SORCS2: variants seen among roughly 807,000 people sequenced by gnomAD.
SORCS2 encodes sortilin related VPS10 domain containing receptor 2, also known as VPS10 domain-containing receptor SorCS2.
In SORCS2, 100 loss-of-function variants were observed where a neutral mutation model predicts 141.6. The ratio of observed to expected loss-of-function variants is 0.71; its 90% CI spans 0.60 to 0.83. The LOEUF is 0.83. SORCS2 is among the 40% of genes least tolerant of loss of function. SORCS2 has a pLI of 0.00. For missense variants in SORCS2, 1,646 were observed against 1,560.2 expected (o/e 1.05, Z -0.93); for synonymous variants, 789 against 676.9 (o/e 1.17, Z -2.57).
Position 7,561,416 on chromosome 4 carries a change from G to GTATCCATTCATCCATC in SORCS2, c.648+29790_648+29805dup, listed in dbSNP as rs1490517503. On this transcript the variant is annotated intron_variant, in intron 3 of 26. Transcript: ENST00000507866. ...TACATCCATCTACCCATCCATCCAT[G>GTATCCATTCATCCATC]TATCCATTCATCCATCTACCTATTC... Among the ~76,000 whole-genome samples the GTATCCATTCATCCATC allele has an allele frequency of 5.7e-3, 863 of 150,762 alleles. 8 individuals are homozygous for GTATCCATTCATCCATC. The highest frequency in any genetic ancestry group is 0.02 in the African/African-American group (799 of 40,966).
intron 3 of SORCS2, among the ~76,000 whole-genome samples, chr4:7,578,784 C>T (rs765388532): frequency 3.3e-5 from 5 of 152,132 alleles, no homozygotes; most frequent in Admixed American, 6.5e-5. Flanking sequence ...ATAAAACACA[C>T]GGAGGATTTG....
At chr4:7,217,387 A>G (rs1020132837) in intron 1 of SORCS2, among the ~76,000 whole-genome samples, 1 of 152,176 alleles carries the variant, frequency 6.6e-6, no homozygotes, top group Admixed American at 6.5e-5. Context: ...ACAAAGGAAC[A>G]TTATTTTTAA....
chr4:7,612,628 G>A (rs540882796), intron 3 of SORCS2, among the ~76,000 whole-genome samples: 9 of 152,256 alleles, frequency 5.9e-5, no homozygotes, highest in South Asian at 4.1e-4. Flanking sequence ...GGGTGTGCTC[G>A]GCTCCTGCAG....
intron 1 of SORCS2, among the ~76,000 whole-genome samples, chr4:7,243,647 C>A (rs944544188): frequency 6.6e-6 from 1 of 152,248 alleles, no homozygotes; most frequent in Non-Finnish European, 1.5e-5. Flanking sequence ...CACACCAAAA[C>A]TCCAGACTCT....
chr4:7,300,092 G>C (rs1717337209), intron 1 of SORCS2, among the ~76,000 whole-genome samples: 1 of 152,204 alleles, frequency 6.6e-6, no homozygotes, highest in South Asian at 2.1e-4. Flanking sequence ...CGCCTGCTGA[G>C]GACCGGGAGG....
intron 8 of SORCS2, among the ~76,000 whole-genome samples, chr4:7,674,498 G>C (rs113905866): frequency 1.4e-3 from 210 of 150,648 alleles, no homozygotes; most frequent in Non-Finnish European, 2.3e-3. Flanking sequence ...GTGTGAACCC[G>C]GGGGGGCAGA....
intron 2 of SORCS2, chr4:7,435,006 A>ACTCACACCCTGT: frequency 8.4e-7 from 1 of 1,192,236 alleles, no homozygotes; most frequent in Non-Finnish European, 1.2e-6. Context: ...CCACAGCCTG[A>ACTCACACCCTGT]CTCACACCCT....
At chr4:7,526,569 C>A (rs753653223) in intron 2 of SORCS2, among the ~76,000 whole-genome samples, 3 of 152,178 alleles carry the variant, frequency 2.0e-5, no homozygotes, top group Non-Finnish European at 4.4e-5. Context: ...GACGCTGCTC[C>A]GTATGATACC....
intron 2 of SORCS2, among the ~76,000 whole-genome samples, chr4:7,514,596 G>A (rs1453687668): frequency 6.6e-6 from 1 of 152,024 alleles, no homozygotes; most frequent in Non-Finnish European, 1.5e-5. Flanking sequence ...CGGGGTGTCT[G>A]GGAAGGAGAG....
chr4:7,448,020 C>A (rs61016496), intron 2 of SORCS2, among the ~76,000 whole-genome samples: 3 of 152,148 alleles, frequency 2.0e-5, no homozygotes, highest in African/African-American at 7.2e-5. Flanking sequence ...TGTGTATGAG[C>A]GGCTCGTGCT....
intron 2 of SORCS2, among the ~76,000 whole-genome samples, chr4:7,436,478 C>G (rs533461820): frequency 2.9e-4 from 44 of 152,368 alleles, no homozygotes; most frequent in Non-Finnish European, 5.7e-4. Flanking sequence ...ACCCCACCCC[C>G]ACGGCGCTGC....
At chr4:7,667,299 G>T in intron 8 of SORCS2, 86 bp downstream of exon 8, 1 of 1,261,960 alleles carries the variant, frequency 7.9e-7, no homozygotes, top group Non-Finnish European at 1.1e-6. Context: ...ACACACAGGT[G>T]CTTGGCGGTC....
chr4:7,434,223 G>A lies in SORCS2; in HGVS notation c.548+37868G>A, dbSNP rs61730384. On this transcript the variant is annotated intron_variant, in intron 2 of 26. Transcript: ENST00000507866. Reference sequence around the variant, plus strand: ...GGTAGTTCTTGCAGAGGACGGCCAGGCCAGGCCCCAAGGACTCACACTGCT... The same window carrying A: ...GGTAGTTCTTGCAGAGGACGGCCAGACCAGGCCCCAAGGACTCACACTGCT... 2.8e-4 allele frequency: 455 copies of A among 1,613,686 alleles called. No homozygotes were observed. In the African/African-American group the frequency reaches 5.5e-3, roughly 20 times the overall value.
At chr4:7,502,765 T>C (rs1732048603) in intron 2 of SORCS2, among the ~76,000 whole-genome samples, 1 of 150,494 alleles carries the variant, frequency 6.6e-6, no homozygotes, top group South Asian at 2.2e-4. Context: ...ACCTCTGTGC[T>C]CAGAGACCAC....
intron 2 of SORCS2, among the ~76,000 whole-genome samples, chr4:7,412,498 C>T (rs899832631): frequency 2.6e-5 from 4 of 152,148 alleles, no homozygotes; most frequent in Admixed American, 1.3e-4. Context: ...CTTCCTAGCC[C>T]ATAAGATCGT....
intron 3 of SORCS2, among the ~76,000 whole-genome samples, chr4:7,631,447 C>T (rs1029718084): frequency 6.6e-6 from 1 of 151,826 alleles, no homozygotes; most frequent in African/African-American, 2.4e-5. Context: ...CCCTTGGTCC[C>T]TCTGGGGCAT....
chr4:7,236,494 AG>A (rs892117790), intron 1 of SORCS2, among the ~76,000 whole-genome samples: 5 of 152,182 alleles, frequency 3.3e-5, no homozygotes, highest in African/African-American at 1.2e-4. Flanking sequence ...GGCGTAGGTG[AG>A]GGGCATCGGA....
chr4:7,285,852 C>A (rs4689681), intron 1 of SORCS2, among the ~76,000 whole-genome samples: 2 of 152,026 alleles, frequency 1.3e-5, no homozygotes, highest in Non-Finnish European at 2.9e-5. Flanking sequence ...TGAGTGAGTT[C>A]AGATGCTCCT....
intron 3 of SORCS2, among the ~76,000 whole-genome samples, chr4:7,567,647 A>G (rs1428295180): frequency 6.6e-6 from 1 of 151,906 alleles, no homozygotes; most frequent in Non-Finnish European, 1.5e-5. Context: ...TCCACCATAG[A>G]GTTTCTCTTT....
Sources: allele counts gnomAD v4.1 joint callset (sites outside exome capture counted in the v4.1 genomes callset), GRCh38; gene constraint gnomAD v4.1.1; transcripts MANE v1.5; gene names NCBI Gene and HGNC (gene_info 2026-07-23, HGNC 2026-07-21).